Variants in LHFPL3 observed in about 807,000 individuals in gnomAD.
The protein encoded by LHFPL3 is LHFPL tetraspan subfamily member 3 protein.
In LHFPL3, 5 loss-of-function variants were observed where a neutral mutation model predicts 19.3. The observed-to-expected ratio is 0.26, with a 90% CI of 0.14 to 0.54. The LOEUF (loss-of-function observed/expected upper bound fraction) is 0.54, where lower values mean the gene tolerates loss of function less well. Ranked by LOEUF, LHFPL3 falls within the 20% of genes least tolerant of loss-of-function variation. The pLI is 0.94. For synonymous variants in LHFPL3, 133 were observed against 126.2 expected, an observed-to-expected ratio of 1.05 and a Z score of -0.36; for missense variants, 249 against 307.4, an observed-to-expected ratio of 0.81 and a Z score of 1.42.
intron 2 of LHFPL3, among the ~76,000 whole-genome samples, chr7:104,798,104 C>A (rs376540397): frequency 1.3e-5 from 2 of 152,096 alleles, no homozygotes; most frequent in Non-Finnish European, 2.9e-5. Flanking sequence ...GGCCAAGGTG[C>A]GCAAGTATGT....
chr7:104,635,810 G>A (rs145074371), intron 1 of LHFPL3, among the ~76,000 whole-genome samples: 2 of 152,228 alleles, frequency 1.3e-5, no homozygotes, highest in East Asian at 1.9e-4. Flanking sequence ...CTCTGCCCAG[G>A]CCAGAGCTCA....
At chr7:104,864,093 C>A (rs575610840) in intron 2 of LHFPL3, among the ~76,000 whole-genome samples, 1 of 152,320 alleles carries the variant, frequency 6.6e-6, no homozygotes, top group Non-Finnish European at 1.5e-5. Flanking sequence ...TAAACTTCAA[C>A]AAATAAACAG....
chr7:104,582,091 C>T (rs2385237), intron 1 of LHFPL3, among the ~76,000 whole-genome samples: 40 of 151,806 alleles, frequency 2.6e-4, no homozygotes, highest in African/African-American at 8.0e-4. Context: ...AAGAACTTGG[C>T]GTGTCGCCCC....
At chr7:104,594,819 T>G (rs1456998157) in intron 1 of LHFPL3, among the ~76,000 whole-genome samples, 2 of 152,228 alleles carry the variant, frequency 1.3e-5, no homozygotes, top group Admixed American at 1.3e-4. Context: ...TTTCTTCCAC[T>G]TGATCAAATC....
chr7:104,663,257 C>T (rs1251583891), intron 1 of LHFPL3, among the ~76,000 whole-genome samples: 1 of 152,200 alleles, frequency 6.6e-6, no homozygotes, highest in Admixed American at 6.5e-5. Flanking sequence ...ATAAGACCAA[C>T]TCATACCCTG....
intron 2 of LHFPL3, among the ~76,000 whole-genome samples, chr7:104,807,011 A>ATGTGTGTGTGTGTGTGTGTG (rs10665231): frequency 3.0e-4 from 42 of 139,764 alleles, no homozygotes; most frequent in South Asian, 5.0e-4. Context: ...CAAAATATAT[A>ATGTGTGTGTGTGTGTGTGTG]TGTGTGTGTG....
intron 1 of LHFPL3, among the ~76,000 whole-genome samples, chr7:104,650,870 T>C (rs899341752): frequency 6.6e-6 from 1 of 152,188 alleles, no homozygotes; most frequent in Non-Finnish European, 1.5e-5. Flanking sequence ...GGGGCATCAC[T>C]AAGAAACTTG....
chr7:104,624,569 C>G (rs370590196), intron 1 of LHFPL3, among the ~76,000 whole-genome samples: 21 of 152,276 alleles, frequency 1.4e-4, no homozygotes, highest in African/African-American at 4.8e-4. Context: ...TCCTCATCAC[C>G]GTACCTTCAG....
intron 2 of LHFPL3, among the ~76,000 whole-genome samples, chr7:104,806,678 GATTA>G (rs1790367295): frequency 1.3e-5 from 2 of 152,110 alleles, no homozygotes; most frequent in South Asian, 2.1e-4. Context: ...CTAGAATGAA[GATTA>G]ATTATTTTTT....
At chr7:104,660,706 G>A (rs1379941456) in intron 1 of LHFPL3, among the ~76,000 whole-genome samples, 3 of 152,188 alleles carry the variant, frequency 2.0e-5, no homozygotes, top group Non-Finnish European at 4.4e-5. Flanking sequence ...TTGCCTTGAA[G>A]GTTATATTAA....
At chr7:104,404,291 A>G (rs1309667720) in intron 1 of LHFPL3, among the ~76,000 whole-genome samples, 1 of 152,228 alleles carries the variant, frequency 6.6e-6, no homozygotes, top group Non-Finnish European at 1.5e-5. Flanking sequence ...TAAAATAGCC[A>G]TTGTTTAAAA....
intron 1 of LHFPL3, among the ~76,000 whole-genome samples, chr7:104,708,635 C>A (rs970689601): frequency 2.0e-5 from 3 of 152,046 alleles, no homozygotes; most frequent in African/African-American, 7.2e-5. Flanking sequence ...AATTAAATAG[C>A]CATGTCCTCC....
chr7:104,785,832 C>A (rs1225704428), intron 2 of LHFPL3: 2 of 152,182 alleles, frequency 1.3e-5, no homozygotes, highest in African/African-American at 4.8e-5. Flanking sequence ...AAACCTTGAC[C>A]ACACTGGTAC....
At chr7:104,385,524 A>G (rs1472072797) in intron 1 of LHFPL3, among the ~76,000 whole-genome samples, 1 of 152,208 alleles carries the variant, frequency 6.6e-6, no homozygotes, top group Non-Finnish European at 1.5e-5. Context: ...TCACCAAGAT[A>G]ATGATTGCCT....
intron 2 of LHFPL3, among the ~76,000 whole-genome samples, chr7:104,885,025 T>C (rs1442547808): frequency 1.3e-5 from 2 of 152,092 alleles, no homozygotes; most frequent in Non-Finnish European, 2.9e-5. Context: ...CTCTCAAATA[T>C]CCCCATCCTC....
chr7:104,818,268 G>C (rs977191058), intron 2 of LHFPL3, among the ~76,000 whole-genome samples: 1 of 151,888 alleles, frequency 6.6e-6, no homozygotes, highest in Non-Finnish European at 1.5e-5. Context: ...GTAACCTATT[G>C]AAATTGTCAC....
intron 1 of LHFPL3, among the ~76,000 whole-genome samples, chr7:104,462,544 G>C (rs1457569472): frequency 6.6e-6 from 1 of 152,190 alleles, no homozygotes; most frequent in Non-Finnish European, 1.5e-5. Context: ...CACATTTATT[G>C]ATTTGCGTTA....
At chr7:104,851,099 C>T (rs1429520261) in intron 2 of LHFPL3, among the ~76,000 whole-genome samples, 1 of 152,174 alleles carries the variant, frequency 6.6e-6, no homozygotes, top group Non-Finnish European at 1.5e-5. Context: ...TGAAAGAGAT[C>T]TCAGCAAGTA....
chr7:104,405,793 G>C (rs533354665), intron 1 of LHFPL3, among the ~76,000 whole-genome samples: 195 of 152,306 alleles, frequency 1.3e-3, no homozygotes, highest in Non-Finnish European at 2.2e-3. Flanking sequence ...GGGTGTGTTT[G>C]AGAGGACTTG....
Sources: allele counts gnomAD v4.1 joint callset (sites outside exome capture counted in the v4.1 genomes callset), GRCh38; gene constraint gnomAD v4.1.1; transcripts MANE v1.5; gene names NCBI Gene and HGNC (gene_info 2026-07-23, HGNC 2026-07-21).